RP1: variants seen among roughly 807,000 people sequenced by gnomAD.
RP1 encodes oxygen-regulated protein 1.
A neutral mutation model predicts 14.8 loss-of-function variants in RP1; 16 were observed. That is an observed-to-expected ratio of 1.08 (90% CI 0.73 to 1.65). The LOEUF (loss-of-function observed/expected upper bound fraction) is 1.65. Among genes scored for constraint, RP1 ranks in the 40% most tolerant of loss-of-function variants. RP1 has a pLI of 0.00. For synonymous variants in RP1, 876 were observed against 883.6 expected (o/e 0.99, Z 0.15); for missense variants, 2,631 against 2,535.0 (o/e 1.04, Z -0.81).
intron 19 of RP1, among the ~76,000 whole-genome samples, chr8:54,751,330 T>C (rs1288970290): frequency 6.6e-6 from 1 of 152,204 alleles, no homozygotes; most frequent in Non-Finnish European, 1.5e-5. Context: ...AGAGGTCCTC[T>C]TGTGGAACTT....
chr8:54,831,727 G>A (rs75443237), intron 24 of RP1, among the ~76,000 whole-genome samples: 2,017 of 151,680 alleles, frequency 0.013, 32 homozygotes, highest in African/African-American at 0.046. Context: ...TTTATGTATA[G>A]TATATTTACT....
chr8:54,766,723 C>T (rs1809769993), intron 22 of RP1, among the ~76,000 whole-genome samples: 3 of 152,176 alleles, frequency 2.0e-5, no homozygotes, highest in Non-Finnish European at 1.5e-5. Context: ...CACCCCAACA[C>T]GTTCCACAAT....
In RP1 at chr8:54,693,135, A is replaced by C. The variant is rs191431154; in HGVS notation, c.1718-6332A>C. On this transcript the variant is annotated intron_variant, in intron 12 of 22. Coordinates refer to the RP1 transcript ENST00000636932. ...CAAAGATCAGATGGTTGTAGATATGAGGCATTATTTCTGAGGGCTCTGTTC... is the reference window on the plus strand; with the variant it reads ...CAAAGATCAGATGGTTGTAGATATGCGGCATTATTTCTGAGGGCTCTGTTC... Among the ~76,000 whole-genome samples the C allele has an allele frequency of 5.4e-3, 817 of 151,928 alleles. 6 individuals are homozygous for C. Among genetic ancestry groups the C allele is most frequent in the African/African-American group, 0.016 (651 of 41,476 alleles).
chr8:54,843,821 C>G (rs191244112), intron 25 of RP1, among the ~76,000 whole-genome samples: 405 of 152,250 alleles, frequency 2.7e-3, no homozygotes, highest in Admixed American at 4.7e-3. Context: ...GGGAAGCAGG[C>G]CCGCTGTTGG....
chr8:54,678,209 T>A (rs1807340604), intron 8 of RP1, among the ~76,000 whole-genome samples: 1 of 152,222 alleles, frequency 6.6e-6, no homozygotes. Context: ...TTCAATTGTT[T>A]GGAAAAGCCC....
chr8:54,696,281 G>C (rs867745743), intron 12 of RP1: 1 of 381,610 alleles, frequency 2.6e-6, no homozygotes, highest in Non-Finnish European at 4.7e-6. Context: ...CCTTCATTTG[G>C]TATATATTGA....
intron 26 of RP1, chr8:54,852,742 G>T: frequency 2.3e-5 from 28 of 1,231,522 alleles, no homozygotes; most frequent in Non-Finnish European, 2.7e-5. Flanking sequence ...ATAGAAACAG[G>T]TCTTCATCAG....
chr8:54,749,137 T>TG (rs1400207029), intron 19 of RP1, among the ~76,000 whole-genome samples: 1 of 152,108 alleles, frequency 6.6e-6, no homozygotes, highest in Non-Finnish European at 1.5e-5. Flanking sequence ...GAGACCATCC[T>TG]GGCTAACATG....
rs144039574 is a variant in RP1, at chr8:54,642,275, G to T, written c.788-6710G>T. Reference sequence around the variant, plus strand: ...TATGCTGATACTCCTAAAGAACTTTGCATTGGTTAACTATATATATTTTTC... The same window carrying T: ...TATGCTGATACTCCTAAAGAACTTTTCATTGGTTAACTATATATATTTTTC... On this transcript the variant is annotated intron_variant, in intron 3 of 22. Transcript: ENST00000636932. Among the ~76,000 whole-genome samples, 1,163 of 152,054 alleles carry T rather than the reference G, an allele frequency of 7.6e-3. 19 individuals are homozygous for T. The highest frequency in any genetic ancestry group is 0.027 in the African/African-American group (1,104 of 41,500).
intron 24 of RP1, among the ~76,000 whole-genome samples, chr8:54,826,452 G>C (rs1180852877): frequency 1.3e-5 from 2 of 152,160 alleles, no homozygotes; most frequent in African/African-American, 4.8e-5. Context: ...CTACTGTGGA[G>C]TTCTTTGTTC....
At chr8:54,582,103 C>T (rs1193007368) in intron 1 of RP1, among the ~76,000 whole-genome samples, 2 of 152,264 alleles carry the variant, frequency 1.3e-5, no homozygotes, top group East Asian at 3.9e-4. Context: ...ATGGTATTGC[C>T]TAGGTTTTCT....
chr8:54,859,453 G>A (rs115813581), intron 27 of RP1, among the ~76,000 whole-genome samples: 5,563 of 151,894 alleles, frequency 0.037, 121 homozygotes, highest in African/African-American at 0.052. Context: ...CTGTAGGGTG[G>A]TGTCACTGTA....
intron 24 of RP1, among the ~76,000 whole-genome samples, chr8:54,833,152 C>CT (rs1456275600): frequency 1.3e-5 from 2 of 151,892 alleles, no homozygotes; most frequent in Admixed American, 1.3e-4. Context: ...TCTGGGATCT[C>CT]CCCTCTTAAT....
chr8:54,652,937 C>A, intron 5 of RP1: 1 of 1,049,468 alleles, frequency 9.5e-7, no homozygotes. Context: ...GTCAACTCAT[C>A]ATGCCTATAA....
intron 1 of RP1, among the ~76,000 whole-genome samples, chr8:54,581,011 T>TA (rs1351068219): frequency 7.9e-5 from 12 of 151,990 alleles, no homozygotes; most frequent in South Asian, 4.2e-4. Flanking sequence ...TCTATTTATT[T>TA]TTTTTTATTA....
intron 22 of RP1, chr8:54,769,717 TTCTC>T (rs755748543): frequency 5.7e-6 from 8 of 1,409,542 alleles, no homozygotes; most frequent in Admixed American, 2.2e-5. Context: ...CTCTCTTTCT[TTCTC>T]TCTCTCTCTT....
rs113591705 is a variant in RP1 at position 54,846,683 on chromosome 8, A to G, written c.3836-5891A>G. 6.5e-3 allele frequency among the ~76,000 whole-genome samples: 993 copies of G among 152,206 alleles called. 6 individuals are homozygous for G. The highest frequency in any genetic ancestry group is 0.01 in the Non-Finnish European group (704 of 68,006). ...TTTAGTCTCTTTTGGTCTAAAACTG[A>G]CCAATTCAATATACTTTCTTCTCAT... On this transcript the variant is annotated intron_variant, in intron 25 of 28. Coordinates refer to the RP1 transcript ENST00000637698.
At chr8:54,687,010 A>G (rs1807579186) in intron 12 of RP1, among the ~76,000 whole-genome samples, 1 of 151,954 alleles carries the variant, frequency 6.6e-6, no homozygotes. Flanking sequence ...TTGAGTGTGG[A>G]TTTTTTGCTT....
At chr8:54,682,740 C>T (rs768652339) in intron 12 of RP1, among the ~76,000 whole-genome samples, 2 of 151,986 alleles carry the variant, frequency 1.3e-5, no homozygotes, top group African/African-American at 4.8e-5. Context: ...TTCTCCCATT[C>T]TCTAGGCTTT....
Sources: gnomAD v4.1 joint callset for allele counts (sites outside exome capture counted in the v4.1 genomes callset) on GRCh38, gnomAD v4.1.1 for gene constraint, MANE v1.5 for transcripts, NCBI Gene and HGNC (gene_info 2026-07-23, HGNC 2026-07-21) for gene names.